Variants in TNC observed in about 807,000 individuals in gnomAD.
TNC encodes the protein tenascin.
In TNC, 109 loss-of-function variants were observed where a neutral mutation model predicts 202.4. The ratio of observed to expected loss-of-function variants is 0.54; its 90% confidence interval spans 0.46 to 0.63. The LOEUF is 0.63. TNC is among the 30% of genes least tolerant of loss of function. The probability of loss-of-function intolerance (pLI) is 0.00; values close to 1 mark genes in which losing one functional copy is unlikely to be tolerated. For synonymous variants in TNC, 1,007 were observed against 1,089.7 expected (o/e 0.92, Z 1.50); for missense variants, 2,756 against 2,833.3 (o/e 0.97, Z 0.62).
intron 14 of TNC, 108 bp from the exon 15 acceptor site, chr9:115,057,533 CTGA>C: frequency 8.4e-7 from 1 of 1,186,526 alleles, no homozygotes; most frequent in Non-Finnish European, 1.2e-6. Flanking sequence ...GTAGAGAGAT[CTGA>C]TAATTCAGGG....
In TNC at chr9:115,064,792, C is replaced by T. The variant is rs1832817616; in HGVS notation, c.3342G>A (p.Val1114=). The change falls in exon 11 of 28, where the codon GTG becomes GTA. Residue 1114 remains valine (V), a synonymous_variant. Transcript: ENST00000350763. ...GCACGGTGAGGTTCCGAGCTGCCTC[C>T]ACCTTGTTGGCCTCCTGCACCTGAA... The part of the protein sequence containing the change: ...FIIQVQEANK[V]EAARNLTVPG... The T allele has an allele frequency of 1.2e-6, 2 of 1,614,094 alleles. No homozygotes were observed. The highest frequency in any genetic ancestry group is 1.6e-4 in the Middle Eastern group (1 of 6,062).
intron 1 of TNC, among the ~76,000 whole-genome samples, chr9:115,113,477 C>A (rs1837232843): frequency 6.6e-6 from 1 of 152,140 alleles, no homozygotes; most frequent in Admixed American, 6.5e-5. Context: ...ACGATTATCC[C>A]CTAGGATTCT....
At chr9:115,027,038 G>C (rs1478249389) in intron 25 of TNC, among the ~76,000 whole-genome samples, 1 of 151,566 alleles carries the variant, frequency 6.6e-6, no homozygotes, top group Non-Finnish European at 1.5e-5. Flanking sequence ...GAACCCGAGA[G>C]GCAGAAGTTG....
intron 1 of TNC, among the ~76,000 whole-genome samples, chr9:115,106,916 G>A (rs1035031403): frequency 1.8e-4 from 27 of 152,226 alleles, no homozygotes; most frequent in African/African-American, 5.8e-4. Flanking sequence ...TTCAGCATAT[G>A]GCAGGAAATT....
At position 115,026,522 on chromosome 9, in the gene TNC, C is replaced by G. The variant is rs766064845; in HGVS notation, c.6331+12G>C. 5 of 1,613,022 alleles carry G rather than the reference C, an allele frequency of 3.1e-6. No individual in the cohort carries two copies. Among genetic ancestry groups the G allele is most frequent in the African/African-American group, 1.3e-5 (1 of 74,902 alleles). Reference sequence around the variant, plus strand: ...ATGGCTTTGTAGGCTCTACGTGCAGCCACTACTGTACCTGCTGTCCCACTG... The same window carrying G: ...ATGGCTTTGTAGGCTCTACGTGCAGGCACTACTGTACCTGCTGTCCCACTG... On this transcript the variant is annotated intron_variant, in intron 26 of 27. Transcript: ENST00000350763.
chr9:115,034,694 C>T (rs1830187641), intron 22 of TNC, among the ~76,000 whole-genome samples: 1 of 152,176 alleles, frequency 6.6e-6, no homozygotes, highest in African/African-American at 2.4e-5. Context: ...TTTAGGAAAT[C>T]TCCTTCGCTT....
intron 19 of TNC, among the ~76,000 whole-genome samples, chr9:115,039,433 G>T (rs1311683635): frequency 6.6e-6 from 1 of 152,220 alleles, no homozygotes; most frequent in African/African-American, 2.4e-5. Context: ...CTTAAGTATG[G>T]TTTTCAAATG....
intron 4 of TNC, among the ~76,000 whole-genome samples, chr9:115,083,087 G>A (rs1460763053): frequency 6.6e-6 from 1 of 152,168 alleles, no homozygotes; most frequent in Non-Finnish European, 1.5e-5. Flanking sequence ...TAGAATCTAA[G>A]CTCTACTATC....
chr9:115,103,025 G>T (rs1836353589), intron 1 of TNC, among the ~76,000 whole-genome samples: 1 of 152,170 alleles, frequency 6.6e-6, no homozygotes, highest in Non-Finnish European at 1.5e-5. Flanking sequence ...CAAGGAATTT[G>T]TCACAGCCTC....
intron 3 of TNC, among the ~76,000 whole-genome samples, chr9:115,085,242 T>C (rs753831630): frequency 1.6e-4 from 24 of 152,142 alleles, no homozygotes; most frequent in Admixed American, 5.9e-4. Flanking sequence ...GCTTGCAGTC[T>C]TTAGGATTAA....
At chr9:115,110,878 A>ATT (rs71375271) in intron 1 of TNC, among the ~76,000 whole-genome samples, 12 of 117,114 alleles carry the variant, frequency 1.0e-4, no homozygotes, top group African/African-American at 3.6e-4. Context: ...GGCTGCCAGA[A>ATT]TTTTTTTTTT....
chr9:115,030,590 G>A (rs1230106065), intron 23 of TNC, among the ~76,000 whole-genome samples, 185 bp from the exon 24 acceptor site: 1 of 152,212 alleles, frequency 6.6e-6, no homozygotes, highest in Non-Finnish European at 1.5e-5. Context: ...GGGTCTTAGA[G>A]CTGATGATCA....
At chr9:115,051,498 C>T (rs1051830468) in intron 15 of TNC, among the ~76,000 whole-genome samples, 3 of 150,998 alleles carry the variant, frequency 2.0e-5, no homozygotes, top group South Asian at 2.1e-4. Context: ...GAAGGTTCAG[C>T]GTCTCTTTTC....
intron 10 of TNC, among the ~76,000 whole-genome samples, chr9:115,066,865 TGTGCA>T (rs745562233): frequency 2.6e-5 from 4 of 152,242 alleles, no homozygotes; most frequent in Non-Finnish European, 4.4e-5. Flanking sequence ...TGTTACAAAA[TGTGCA>T]GTTGAATAAT....
chr9:115,049,429 C>T (rs183552322), intron 15 of TNC, among the ~76,000 whole-genome samples: 222 of 152,168 alleles, frequency 1.5e-3, no homozygotes, highest in Non-Finnish European at 2.5e-3. Context: ...CCTTCCAACC[C>T]CGATCACATC....
In TNC at chr9:115,076,372, C is replaced by T. The variant is rs1197544388; in HGVS notation, c.2860+18G>A. 1.9e-6 allele frequency: 3 copies of T among 1,612,924 alleles called. No homozygotes were observed. The East Asian group carries it at 6.7e-5, about 36-fold the overall frequency. On this transcript the variant is annotated intron_variant, in intron 8 of 27. Transcript: ENST00000350763. Reference sequence around the variant, plus strand: ...TCTAGGGCTGGCTGGCTCAGGCTTGCAGAGATGCAGAGCTCACCTGTGAGT... The same window carrying T: ...TCTAGGGCTGGCTGGCTCAGGCTTGTAGAGATGCAGAGCTCACCTGTGAGT...
chr9:115,111,951 GAGACC>G (rs1248611719), intron 1 of TNC, among the ~76,000 whole-genome samples: 9 of 152,134 alleles, frequency 5.9e-5, no homozygotes, highest in Non-Finnish European at 1.3e-4. Flanking sequence ...AACCTCATGA[GAGACC>G]ATGAGGCAGA....
intron 15 of TNC, among the ~76,000 whole-genome samples, chr9:115,051,774 T>A (rs1831690899): frequency 6.6e-6 from 1 of 151,956 alleles, no homozygotes; most frequent in African/African-American, 2.4e-5. Flanking sequence ...TAGGAGTCAC[T>A]TTTTAGGCAG....
chr9:115,069,784 C>T, intron 10 of TNC, among the ~76,000 whole-genome samples: 1 of 77,124 alleles, frequency 1.3e-5, no homozygotes. Context: ...CCCTTCCTTC[C>T]TTCCTTCCTT....
Sources: allele counts gnomAD v4.1 joint callset (sites outside exome capture counted in the v4.1 genomes callset), GRCh38; gene constraint gnomAD v4.1.1; transcripts MANE v1.5; gene names NCBI Gene and HGNC (gene_info 2026-07-23, HGNC 2026-07-21).